CFAP47: variants seen among roughly 807,000 people sequenced by gnomAD.
CFAP47 encodes the protein cilia- and flagella-associated protein 47.
Under a neutral mutation model 148.1 loss-of-function variants are expected in CFAP47, and 29 were observed. That is an observed-to-expected ratio of 0.20 (90% CI 0.15 to 0.27). The LOEUF is 0.27. Among genes scored for constraint, CFAP47 ranks in the 10% least tolerant of loss-of-function variants. The probability of loss-of-function intolerance (pLI) is 1.00; values close to 1 mark genes in which losing one functional copy is unlikely to be tolerated. For missense variants in CFAP47, 1,872 were observed against 1,697.5 expected, an observed-to-expected ratio of 1.10 and a Z score of -1.81; for synonymous variants, 664 against 577.3, an observed-to-expected ratio of 1.15 and a Z score of -2.15.
rs1303023769 is a variant in CFAP47, at chrX:36,371,751, T to C, written c.9185+4624T>C. 6.7e-5 allele frequency among the ~76,000 whole-genome samples: 4 copies of C among 59,632 alleles called. 1 individual carries two copies. Among genetic ancestry groups the C allele is most frequent in the Admixed American group, 1.6e-4 (1 of 6,200 alleles). 51.8% of individuals were successfully genotyped at this position (59,632 alleles called of 115,157 possible). On this transcript the variant is annotated intron_variant, in intron 62 of 63. Coordinates refer to ENST00000378653, the MANE Select transcript of CFAP47 (RefSeq NM_001304548.2). ...ACATGTGTGTATATATGTGTGTATA[T>C]ACACACATGTGTGTATATACACACA...
intron 15 of CFAP47, 141 bp downstream of exon 15, chrX:35,976,054 T>G (rs2146670209): frequency 1.7e-6 from 1 of 596,956 alleles, no homozygotes; most frequent in South Asian, 3.0e-5. Context: ...TCAGGGGTAT[T>G]TATTTTTACA....
chrX:36,236,811 A>G lies in CFAP47; in HGVS notation c.7284A>G (p.Gln2428=). ...AATGTCAAGTGGGGAATGTGACACA[A>G]AAGCATATAACATTGCCTCATTTCA... ...TVECQVGNVT[Q]KHITLPHFTN... The change falls in exon 48 of 64, where the codon CAA becomes CAG. Residue 2428 remains glutamine, a synonymous_variant. Coordinates refer to ENST00000378653, the MANE Select transcript of CFAP47 (RefSeq NM_001304548.2). 2 of 513,439 alleles carry G rather than the reference A, an allele frequency of 3.9e-6. No individual in the cohort carries two copies. The highest frequency in any genetic ancestry group is 3.5e-6 in the Non-Finnish European group (1 of 282,058). The allele number at this position is 513,439 out of a possible 1,213,427, so 42.3% of individuals were successfully genotyped here. A position where few individuals can be genotyped will look rare whatever the true frequency, so the allele number is the denominator to read the frequency against.
In CFAP47 at chrX:36,280,731, A is replaced by G. The variant is rs782744762; in HGVS notation, c.7588+101A>G. On this transcript the variant is annotated intron_variant, in intron 50 of 63. Transcript: ENST00000378653. ...TAGTTTACACGCATAATACATATCCAAATTTGTATTGCATGTTTCCATAAG... is the reference window on the plus strand; with the variant it reads ...TAGTTTACACGCATAATACATATCCGAATTTGTATTGCATGTTTCCATAAG... 1,025 of 338,974 alleles carry G rather than the reference A, an allele frequency of 3.0e-3. 1 individual carries two copies. Among genetic ancestry groups the G allele is most frequent in the Non-Finnish European group, 4.3e-3 (841 of 195,666 alleles). 27.9% of individuals were successfully genotyped at this position (338,974 alleles called of 1,213,427 possible). A position where few individuals can be genotyped will look rare whatever the true frequency, so the allele number is the denominator to read the frequency against.
chrX:36,184,313 C>A (rs139323749), intron 40 of CFAP47, among the ~76,000 whole-genome samples: 11 of 111,430 alleles, frequency 9.9e-5, no homozygotes, highest in Non-Finnish European at 1.3e-4. Context: ...GGAGAACTTT[C>A]TTATGAGCAT....
intron 62 of CFAP47, among the ~76,000 whole-genome samples, chrX:36,374,386 G>A (rs1226125039): frequency 9.0e-6 from 1 of 110,605 alleles, no homozygotes. Flanking sequence ...CAATTGAAAT[G>A]TCTCCCCCTT....
At chrX:35,975,390 T>G in intron 14 of CFAP47, 27 bp downstream of exon 14, 1 of 954,069 alleles carries the variant, frequency 1.0e-6, no homozygotes, top group Non-Finnish European at 1.5e-6. Context: ...AATTTCTGCT[T>G]GTTAGAATCA....
intron 49 of CFAP47, among the ~76,000 whole-genome samples, chrX:36,263,232 A>G (rs1226985191): frequency 1.8e-5 from 2 of 112,033 alleles, no homozygotes; most frequent in African/African-American, 3.3e-5. Context: ...CTTCTGGCCT[A>G]TAAAATTTCC....
rs1019328858 is a variant in CFAP47 at position 36,299,039 on chromosome X, G to A, written c.7749G>A (p.Val2583=). The A allele has an allele frequency of 5.2e-6, 6 of 1,146,790 alleles. No homozygotes were observed. The African/African-American group carries it at 7.3e-5, about 14-fold the overall frequency. 94.5% of individuals were successfully genotyped at this position (1,146,790 alleles called of 1,213,427 possible). A position where few individuals can be genotyped will look rare whatever the true frequency, so the allele number is the denominator to read the frequency against. ...AAGATAGAGGTCTTCACTTAGAGGT[G>A]CAGTTAACGAGTGCTGCCCTTAATG... The part of the protein sequence containing the change: ...NPKDRGLHLE[V]QLTSAALNGD... The change falls in exon 52 of 64, where the codon GTG becomes GTA. Residue 2583 remains valine, a synonymous_variant. Transcript: ENST00000378653.
At chrX:36,167,522 C>T (rs1036297071) in intron 39 of CFAP47, among the ~76,000 whole-genome samples, 3 of 111,444 alleles carry the variant, frequency 2.7e-5, no homozygotes, top group Non-Finnish European at 5.6e-5. Context: ...CAGTGCCACA[C>T]TCGTGAGAGC....
chrX:36,093,958 G>A (rs756127838), intron 30 of CFAP47, among the ~76,000 whole-genome samples: 5 of 111,414 alleles, frequency 4.5e-5, no homozygotes, highest in East Asian at 2.8e-4. Context: ...GACCTGTATC[G>A]TTCAGAGTTT....
At chrX:36,164,077 TATG>T (rs1368027540) in intron 39 of CFAP47, among the ~76,000 whole-genome samples, 10 of 112,152 alleles carry the variant, frequency 8.9e-5, no homozygotes, top group African/African-American at 2.9e-4. Context: ...ATTTTAAATT[TATG>T]AAGATTTGTT....
At chrX:36,365,849 A>G (rs1556020176) in intron 61 of CFAP47, 1 of 111,706 alleles carries the variant, frequency 9.0e-6, no homozygotes, top group East Asian at 2.8e-4. Flanking sequence ...ATAGTATTTC[A>G]CAGTGTATAT....
intron 3 of CFAP47, among the ~76,000 whole-genome samples, chrX:35,947,453 C>T (rs1011662859): frequency 9.2e-6 from 1 of 109,288 alleles, no homozygotes; most frequent in South Asian, 4.1e-4. Flanking sequence ...GGGGCTTGAT[C>T]ATGTGATTTG....
chrX:36,242,490 T>C (rs1343522475), intron 48 of CFAP47, among the ~76,000 whole-genome samples: 2 of 111,890 alleles, frequency 1.8e-5, no homozygotes, highest in African/African-American at 6.5e-5. Context: ...AAAACCAAAC[T>C]GAACGTCTGG....
intron 40 of CFAP47, among the ~76,000 whole-genome samples, chrX:36,179,948 C>G (rs1939731011): frequency 9.0e-6 from 1 of 111,131 alleles, no homozygotes; most frequent in South Asian, 3.8e-4. Context: ...TACCTCTTGT[C>G]ATCTCTATAC....
intron 23 of CFAP47, among the ~76,000 whole-genome samples, chrX:36,032,909 G>T (rs1331473082): frequency 9.0e-6 from 1 of 111,288 alleles, no homozygotes; most frequent in African/African-American, 3.3e-5. Context: ...TGCTCAGAGG[G>T]AGATGTGATG....
At chrX:36,109,766 G>A (rs978463907) in intron 33 of CFAP47, among the ~76,000 whole-genome samples, 19 of 111,590 alleles carry the variant, frequency 1.7e-4, no homozygotes, top group African/African-American at 5.9e-4. Flanking sequence ...GAGCCACCGC[G>A]CCCAGCCTAC....
Position 36,354,288 on chromosome X carries a change from T to G in CFAP47, c.8851+607T>G, listed in dbSNP as rs781824568. Among the ~76,000 whole-genome samples, 7 of 109,664 alleles carry G rather than the reference T, an allele frequency of 6.4e-5. No individual in the cohort carries two copies. In the East Asian group the frequency reaches 2.0e-3, roughly 32 times the overall value. ...CGAGGTCAGGAGTTTGAGACCAGCC[T>G]TACCAACATAGAGAAACCCCGTCTC... On this transcript the variant is annotated intron_variant, in intron 60 of 63. Coordinates refer to ENST00000378653, the MANE Select transcript of CFAP47 (RefSeq NM_001304548.2).
At chrX:36,331,319 C>T (rs1022809316) in intron 57 of CFAP47, among the ~76,000 whole-genome samples, 3 of 110,931 alleles carry the variant, frequency 2.7e-5, no homozygotes, top group African/African-American at 9.8e-5. Flanking sequence ...CTCTTATATG[C>T]CATCATAACT....
Sources: allele counts gnomAD v4.1 joint callset (sites outside exome capture counted in the v4.1 genomes callset), GRCh38; gene constraint gnomAD v4.1.1; transcripts MANE v1.5; gene names NCBI Gene and HGNC (gene_info 2026-07-23, HGNC 2026-07-21).